LRP1B: variants seen among roughly 807,000 people sequenced by gnomAD.
LRP1B encodes LDL receptor related protein 1B, also known as low-density lipoprotein receptor-related protein 1B.
A neutral mutation model predicts 556.6 loss-of-function variants in LRP1B; 217 were observed. That is an observed-to-expected ratio of 0.39 (90% CI 0.35 to 0.44). The LOEUF is 0.44. Among genes scored for constraint, LRP1B ranks in the 20% least tolerant of loss-of-function variants. The pLI is 1.00. For missense variants in LRP1B, 5,053 were observed against 5,620.8 expected (o/e 0.90, Z 3.23); for synonymous variants, 2,047 against 1,865.8 (o/e 1.10, Z -2.50).
At chr2:141,928,104 T>C (rs1013110508) in intron 1 of LRP1B, among the ~76,000 whole-genome samples, 7 of 152,220 alleles carry the variant, frequency 4.6e-5, no homozygotes, top group East Asian at 3.9e-4. Context: ...TGGGACAACA[T>C]TGACTACAGA....
chr2:141,301,799 C>T (rs1230291229), intron 3 of LRP1B, among the ~76,000 whole-genome samples: 1 of 152,136 alleles, frequency 6.6e-6, no homozygotes. Context: ...GAGCCGGCAG[C>T]ATTTTCACTA....
At chr2:140,289,367 C>A (rs546001629) in intron 84 of LRP1B, among the ~76,000 whole-genome samples, 1 of 151,950 alleles carries the variant, frequency 6.6e-6, no homozygotes, top group South Asian at 2.1e-4. Flanking sequence ...GTTATACAAG[C>A]CAAGTGTCTT....
At chr2:140,899,979 G>GA (rs57941895) in intron 23 of LRP1B, among the ~76,000 whole-genome samples, 246 of 148,716 alleles carry the variant, frequency 1.7e-3, no homozygotes, top group East Asian at 2.9e-3. Flanking sequence ...TTTAAAACAA[G>GA]AAAAAAAAAC....
chr2:140,906,052 C>T (rs2105228548), intron 22 of LRP1B, among the ~76,000 whole-genome samples: 1 of 152,208 alleles, frequency 6.6e-6, no homozygotes, highest in South Asian at 2.1e-4. Context: ...CAATCTAATC[C>T]TTTGGCCAGT....
At chr2:140,423,332 G>A (rs538007261) in intron 66 of LRP1B, among the ~76,000 whole-genome samples, 1 of 152,110 alleles carries the variant, frequency 6.6e-6, no homozygotes, top group Non-Finnish European at 1.5e-5. Context: ...AAGCTCAGTG[G>A]TCAAGTTCCA....
intron 3 of LRP1B, among the ~76,000 whole-genome samples, chr2:141,362,817 T>TAAA (rs372926853): frequency 1.4e-5 from 2 of 138,824 alleles, no homozygotes; most frequent in African/African-American, 2.6e-5. Flanking sequence ...TTGCATTAAT[T>TAAA]AAAAAAAAAA....
intron 2 of LRP1B, among the ~76,000 whole-genome samples, chr2:141,755,410 A>T (rs1694279436): frequency 6.6e-6 from 1 of 152,052 alleles, no homozygotes; most frequent in African/African-American, 2.4e-5. Context: ...TGAGGAAAAA[A>T]ATTAGCTTAA....
At chr2:140,555,845 CA>C (rs1447483008) in intron 43 of LRP1B, among the ~76,000 whole-genome samples, 1 of 151,930 alleles carries the variant, frequency 6.6e-6, no homozygotes, top group Admixed American at 6.6e-5. Flanking sequence ...GCTGGCATGT[CA>C]ACTGAAAAGT....
At chr2:142,102,310 G>A (rs998324562) in intron 1 of LRP1B, among the ~76,000 whole-genome samples, 1 of 150,984 alleles carries the variant, frequency 6.6e-6, no homozygotes, top group African/African-American at 2.4e-5. Context: ...AAATGACACA[G>A]ACACACACAC....
At chr2:140,757,164 C>A (rs1474965424) in intron 35 of LRP1B, among the ~76,000 whole-genome samples, 1 of 152,152 alleles carries the variant, frequency 6.6e-6, no homozygotes, top group Non-Finnish European at 1.5e-5. Flanking sequence ...GTCTTGGAGA[C>A]AATGTGCAGA....
chr2:141,260,529 A>T (rs1447413468), intron 3 of LRP1B, among the ~76,000 whole-genome samples: 1 of 152,282 alleles, frequency 6.6e-6, no homozygotes, highest in East Asian at 1.9e-4. Flanking sequence ...AGTTATTACC[A>T]ATAGAGGTCT....
chr2:141,151,438 T>C (rs1701922690), intron 7 of LRP1B, among the ~76,000 whole-genome samples: 1 of 152,174 alleles, frequency 6.6e-6, no homozygotes, highest in Admixed American at 6.5e-5. Flanking sequence ...CAATATCAGA[T>C]TTTTGACCAC....
intron 47 of LRP1B, 110 bp from the exon 48 acceptor site, chr2:140,526,460 G>A (rs551328391): frequency 4.3e-5 from 33 of 775,494 alleles, no homozygotes; most frequent in African/African-American, 1.2e-4. Flanking sequence ...TTTTGCTTTC[G>A]TAACTCTGGG....
chr2:141,807,652 T>A (rs1168568980), intron 2 of LRP1B, among the ~76,000 whole-genome samples: 1 of 152,140 alleles, frequency 6.6e-6, no homozygotes, highest in Non-Finnish European at 1.5e-5. Context: ...CTATTTTTAA[T>A]TAACTGACAC....
At chr2:141,833,049 A>G (rs1697162086) in intron 1 of LRP1B, among the ~76,000 whole-genome samples, 1 of 151,794 alleles carries the variant, frequency 6.6e-6, no homozygotes, top group South Asian at 2.1e-4. Context: ...AAAATATGAT[A>G]TTTGGAAATA....
chr2:140,619,698 G>C (rs182653594), intron 41 of LRP1B, among the ~76,000 whole-genome samples: 1 of 152,226 alleles, frequency 6.6e-6, no homozygotes, highest in East Asian at 1.9e-4. Context: ...TTTATGATTT[G>C]TTGGAAAGAA....
intron 3 of LRP1B, among the ~76,000 whole-genome samples, chr2:141,311,410 C>T (rs1365528618): frequency 6.6e-6 from 1 of 152,040 alleles, no homozygotes; most frequent in African/African-American, 2.4e-5. Context: ...AAACTGGGTT[C>T]TTTGGTGGTT....
chr2:141,622,549 A>C (rs1312209321), intron 2 of LRP1B, among the ~76,000 whole-genome samples: 1 of 152,204 alleles, frequency 6.6e-6, no homozygotes, highest in Non-Finnish European at 1.5e-5. Context: ...ACTTCTTGCT[A>C]TCACATCAGT....
intron 1 of LRP1B, among the ~76,000 whole-genome samples, chr2:142,047,437 T>G (rs1449500): frequency 0.044 from 6,650 of 152,036 alleles, 234 homozygotes; most frequent in Non-Finnish European, 0.059. Context: ...CTGTAGTCGT[T>G]TATAGGTTTG....
Sources: gnomAD v4.1 joint callset for allele counts (sites outside exome capture counted in the v4.1 genomes callset) on GRCh38, gnomAD v4.1.1 for gene constraint, MANE v1.5 for transcripts, NCBI Gene and HGNC (gene_info 2026-07-23, HGNC 2026-07-21) for gene names.